USP25: variants seen among roughly 807,000 people sequenced by gnomAD.
USP25 encodes ubiquitin carboxyl-terminal hydrolase 25.
A neutral mutation model predicts 158.5 loss-of-function variants in USP25; 85 were observed. The ratio of observed to expected loss-of-function variants is 0.54; its 90% CI spans 0.45 to 0.64. The LOEUF (loss-of-function observed/expected upper bound fraction) is 0.64, where lower values mean the gene tolerates loss of function less well. USP25 is among the 30% of genes least tolerant of loss of function. The pLI, the probability that USP25 is intolerant of heterozygous loss-of-function variation, is 0.00. For synonymous variants in USP25, 464 were observed against 460.4 expected (o/e 1.01, Z -0.10); for missense variants, 1,242 against 1,327.3 (o/e 0.94, Z 1.00).
chr21:15,862,679 A>G (rs1263966532), intron 20 of USP25, among the ~76,000 whole-genome samples: 2 of 150,866 alleles, frequency 1.3e-5, no homozygotes, highest in Non-Finnish European at 3.0e-5. Flanking sequence ...AATCTTAAAT[A>G]TTAAAATACA....
intron 18 of USP25, 78 bp downstream of exon 18, chr21:15,842,618 CAG>C: frequency 6.5e-7 from 1 of 1,543,948 alleles, no homozygotes; most frequent in Non-Finnish European, 8.8e-7. Context: ...AGGGACCTGT[CAG>C]GGAGTCAGGA....
At chr21:15,753,227 C>T (rs2033150388) in intron 1 of USP25, among the ~76,000 whole-genome samples, 1 of 151,918 alleles carries the variant, frequency 6.6e-6, no homozygotes, top group Non-Finnish European at 1.5e-5. Context: ...AGCTGTAGTT[C>T]CCCCCCAGGG....
At chr21:15,795,901 G>T (rs534839612) in intron 5 of USP25, among the ~76,000 whole-genome samples, 2 of 151,448 alleles carry the variant, frequency 1.3e-5, no homozygotes, top group South Asian at 2.1e-4. Context: ...ATCCTCCGAG[G>T]AGAATTTATC....
At chr21:15,738,095 T>A (rs1017945155) in intron 1 of USP25, among the ~76,000 whole-genome samples, 3 of 152,342 alleles carry the variant, frequency 2.0e-5, no homozygotes, top group African/African-American at 7.2e-5. Flanking sequence ...TAATGCTCTC[T>A]TCTACTGAAT....
rs1310956482 is a variant in USP25 at position 15,816,680 on chromosome 21, T to A, written c.932-2018T>A. 6.6e-6 allele frequency among the ~76,000 whole-genome samples: 1 copy of A among 152,226 alleles called. No homozygotes were observed. The highest frequency in any genetic ancestry group is 2.4e-5 in the African/African-American group (1 of 41,460). On this transcript the variant is annotated intron_variant, in intron 9 of 25. Coordinates refer to ENST00000400183, the MANE Select transcript of USP25 (RefSeq NM_001283041.3). The surrounding 1 kb of genome is among the most constrained non-coding windows in gnomAD (Gnocchi z 4.0). Reference sequence around the variant, plus strand: ...CCTGCTGTCAATAAGCCAGCAATTCTATCTTTATTCCAGAATGTTAATCTT... The same window carrying A: ...CCTGCTGTCAATAAGCCAGCAATTCAATCTTTATTCCAGAATGTTAATCTT...
At chr21:15,801,759 C>A (rs991898003) in intron 6 of USP25, among the ~76,000 whole-genome samples, 5 of 151,550 alleles carry the variant, frequency 3.3e-5, no homozygotes, top group Non-Finnish European at 7.4e-5. Context: ...TTACTTTGAT[C>A]ACATCACAGA....
intron 4 of USP25, among the ~76,000 whole-genome samples, chr21:15,786,352 T>C (rs2035271259): frequency 6.6e-6 from 1 of 152,176 alleles, no homozygotes; most frequent in African/African-American, 2.4e-5. Flanking sequence ...CAGGCCAATA[T>C]CCCTGATCAA....
chr21:15,832,990 C>A (rs191387159), intron 16 of USP25, among the ~76,000 whole-genome samples: 361 of 152,164 alleles, frequency 2.4e-3, no homozygotes, highest in African/African-American at 8.3e-3. Context: ...TGCACTCCAG[C>A]CTGAGTGACA....
At chr21:15,819,422 A>G (rs183024164) in intron 10 of USP25, among the ~76,000 whole-genome samples, 86 of 152,274 alleles carry the variant, frequency 5.6e-4, no homozygotes, top group African/African-American at 2.1e-3. Flanking sequence ...CTGTGTAGCC[A>G]TTCATCCATG....
chr21:15,844,539 T>C (rs2038489406), intron 18 of USP25, among the ~76,000 whole-genome samples: 1 of 152,122 alleles, frequency 6.6e-6, no homozygotes, highest in Non-Finnish European at 1.5e-5. Flanking sequence ...TTTTCAAATA[T>C]GCAATATATT....
intron 7 of USP25, among the ~76,000 whole-genome samples, chr21:15,807,545 A>T (rs536264306): frequency 6.6e-6 from 1 of 152,168 alleles, no homozygotes; most frequent in Non-Finnish European, 1.5e-5. Flanking sequence ...GCAGGGCCAC[A>T]CTTCCTCCAT....
intron 1 of USP25, among the ~76,000 whole-genome samples, chr21:15,752,503 T>G (rs1406231089): frequency 2.6e-5 from 4 of 152,184 alleles, no homozygotes; most frequent in South Asian, 2.1e-4. Context: ...CGTGAGCCAC[T>G]GCACCTGGCC....
intron 17 of USP25, among the ~76,000 whole-genome samples, chr21:15,840,264 G>A (rs1403821023): frequency 2.0e-5 from 3 of 152,028 alleles, no homozygotes; most frequent in African/African-American, 4.8e-5. Context: ...TATGTGTATT[G>A]GGTCCACAGT....
intron 9 of USP25, among the ~76,000 whole-genome samples, chr21:15,812,650 C>CAA (rs557050769): frequency 9.3e-6 from 1 of 107,216 alleles, no homozygotes; most frequent in Non-Finnish European, 2.1e-5. Context: ...GACTCCGTCT[C>CAA]AAAAAAAAAA....
intron 5 of USP25, among the ~76,000 whole-genome samples, chr21:15,796,272 TAATC>T (rs1253674030): frequency 3.3e-5 from 5 of 151,536 alleles, no homozygotes; most frequent in Non-Finnish European, 7.4e-5. Context: ...TTTGTTGTGA[TAATC>T]AATGGTGATG....
At chr21:15,829,134 A>T (rs972805693) in intron 14 of USP25, among the ~76,000 whole-genome samples, 2 of 152,162 alleles carry the variant, frequency 1.3e-5, no homozygotes, top group Admixed American at 1.3e-4. Flanking sequence ...GGTCTTCGAT[A>T]TACATATTTA....
chr21:15,792,884 A>G (rs1172760995), intron 5 of USP25, among the ~76,000 whole-genome samples: 2 of 151,648 alleles, frequency 1.3e-5, no homozygotes, highest in Non-Finnish European at 3.0e-5. Context: ...TACCTGGATT[A>G]ACATAAATCT....
intron 4 of USP25, among the ~76,000 whole-genome samples, 176 bp from the exon 5 acceptor site, chr21:15,791,325 CT>C (rs1466790652): frequency 2.0e-5 from 3 of 151,758 alleles, no homozygotes; most frequent in African/African-American, 7.3e-5. Flanking sequence ...GACTATACTT[CT>C]CTATGTATTA....
intron 22 of USP25, among the ~76,000 whole-genome samples, chr21:15,867,427 C>T (rs545921967): frequency 6.6e-6 from 1 of 152,096 alleles, no homozygotes; most frequent in South Asian, 2.1e-4. Flanking sequence ...AGGTAACTAC[C>T]TTAATTCACT....
Sources: allele counts gnomAD v4.1 joint callset (sites outside exome capture counted in the v4.1 genomes callset), GRCh38; gene constraint gnomAD v4.1.1; non-coding constraint Gnocchi (gnomAD v3.1); transcripts MANE v1.5; gene names NCBI Gene and HGNC (gene_info 2026-07-23, HGNC 2026-07-21).